PRKCH: variants seen among roughly 807,000 people sequenced by gnomAD.
PRKCH encodes protein kinase C eta type.
A neutral mutation model predicts 82.5 loss-of-function variants in PRKCH; 28 were observed. The ratio of observed to expected loss-of-function variants is 0.34; its 90% confidence interval spans 0.25 to 0.47. PRKCH has a LOEUF of 0.47. Among genes scored for constraint, PRKCH ranks in the 20% least tolerant of loss-of-function variants. The pLI is 1.00. For synonymous variants in PRKCH, 322 were observed against 327.4 expected (o/e 0.98, Z 0.18); for missense variants, 705 against 881.8 (o/e 0.80, Z 2.54).
At chr14:61,321,469 A>T (rs2045620406), upstream of PRKCH, among the ~76,000 whole-genome samples, 1 of 152,162 alleles carries the variant, frequency 6.6e-6, no homozygotes, top group African/African-American at 2.4e-5. This position sits in a 1 kb window ranked among gnomAD's most constrained non-coding sequence, Gnocchi z 4.1. Flanking sequence ...GCAAGCGGGC[A>T]CTGGCCTCCC....
intron 1 of PRKCH, chr14:61,281,101 G>T (rs1437532043): frequency 1.4e-6 from 2 of 1,476,492 alleles, no homozygotes; most frequent in Admixed American, 2.4e-5. Flanking sequence ...AGTGAAGGCG[G>T]TGTTGTCGGG....
At chr14:61,416,053 CTTTTTTT>C (rs71117815) in intron 2 of PRKCH, among the ~76,000 whole-genome samples, 1 of 94,186 alleles carries the variant, frequency 1.1e-5, no homozygotes, top group African/African-American at 4.2e-5. Context: ...CTTTTCTTTT[CTTTTTTT>C]TTTTTTTTTT....
chr14:61,421,167 G>C (rs1882816236), intron 2 of PRKCH, among the ~76,000 whole-genome samples: 2 of 151,364 alleles, frequency 1.3e-5, no homozygotes. Flanking sequence ...GAGTTCCCAG[G>C]ATGCTTTTTG....
intron 1 of PRKCH, among the ~76,000 whole-genome samples, chr14:61,238,458 G>C (rs1027489539): frequency 2.6e-5 from 4 of 152,082 alleles, no homozygotes; most frequent in Non-Finnish European, 5.9e-5. Flanking sequence ...CTCCAAACTA[G>C]GGTAAATTCA....
At chr14:61,515,585 G>A (rs1459913867) in intron 10 of PRKCH, among the ~76,000 whole-genome samples, 2 of 152,160 alleles carry the variant, frequency 1.3e-5, no homozygotes, top group East Asian at 3.9e-4. Context: ...GTGGCTGGTT[G>A]GGTTTAACCA....
At chr14:61,543,863 A>C (rs1402696116) in intron 12 of PRKCH, 6 of 152,262 alleles carry the variant, frequency 3.9e-5, no homozygotes, top group Non-Finnish European at 8.8e-5. Flanking sequence ...CAAGCTATCC[A>C]CCTCCAACTC....
At chr14:61,516,966 G>A (rs2042837586) in intron 10 of PRKCH, among the ~76,000 whole-genome samples, 1 of 152,126 alleles carries the variant, frequency 6.6e-6, no homozygotes, top group Non-Finnish European at 1.5e-5. Flanking sequence ...GTTCTGAAGT[G>A]CAAGTGTCTT....
At chr14:61,253,116 C>A (rs1218080551) in intron 1 of PRKCH, among the ~76,000 whole-genome samples, 1 of 152,168 alleles carries the variant, frequency 6.6e-6, no homozygotes, top group Non-Finnish European at 1.5e-5. Context: ...AAACCAACCC[C>A]ATAATATATG....
chr14:61,331,542 AAC>A (rs2045788766), intron 1 of PRKCH, among the ~76,000 whole-genome samples: 2 of 152,084 alleles, frequency 1.3e-5, no homozygotes, highest in African/African-American at 4.8e-5. Flanking sequence ...CAACAACAAC[AAC>A]AAAAAAACCC....
At chr14:61,399,034 C>G (rs1335091506) in intron 2 of PRKCH, among the ~76,000 whole-genome samples, 2 of 151,862 alleles carry the variant, frequency 1.3e-5, no homozygotes, top group Non-Finnish European at 2.9e-5. Flanking sequence ...TTACTTAAAA[C>G]AAAAAGAACA....
At chr14:61,336,793 G>A (rs1286709650) in intron 1 of PRKCH, among the ~76,000 whole-genome samples, 1 of 152,170 alleles carries the variant, frequency 6.6e-6, no homozygotes, top group Non-Finnish European at 1.5e-5. Context: ...TTAGGGCCAG[G>A]TGTGGTGGCT....
chr14:61,506,542 A>G (rs1010526877), intron 10 of PRKCH, among the ~76,000 whole-genome samples: 11 of 151,950 alleles, frequency 7.2e-5, no homozygotes, highest in Admixed American at 6.6e-4. Context: ...TCTCTTCTTT[A>G]CCCAACCCCT....
At chr14:61,197,970 A>G (rs923131906) in intron 1 of PRKCH, among the ~76,000 whole-genome samples, 1 of 152,188 alleles carries the variant, frequency 6.6e-6, no homozygotes, top group African/African-American at 2.4e-5. Context: ...TCTTCTGATC[A>G]ATAGAGTAGG....
Position 61,321,935 on chromosome 14 carries a change from G to A in PRKCH, c.-167G>A. The A allele has an allele frequency of 1.5e-6, 1 of 668,444 alleles. No individual in the cohort carries two copies. The highest frequency in any genetic ancestry group is 2.4e-6 in the Non-Finnish European group (1 of 410,894). 41.4% of individuals were successfully genotyped at this position (668,444 alleles called of 1,614,324 possible). A position where few individuals can be genotyped will look rare whatever the true frequency, so the allele number is the denominator to read the frequency against. The stretch of plus-strand genomic sequence containing the variant: ...AGGGAGGGAAGGAGGGGAGGGAAAA[G>A]TCCCACGGAGGAGGCAGAATGGCCA... On this transcript the variant is annotated 5_prime_UTR_variant, in exon 1 of 14. Transcript: ENST00000332981. The surrounding 1 kb of genome is among the most constrained non-coding windows in gnomAD (Gnocchi z 4.1).
intron 1 of PRKCH, among the ~76,000 whole-genome samples, chr14:61,199,812 C>T (rs1004345261): frequency 6.6e-6 from 1 of 152,162 alleles, no homozygotes; most frequent in Non-Finnish European, 1.5e-5. Flanking sequence ...TGGCATTAAA[C>T]TTAAGCTGCA....
intron 1 of PRKCH, among the ~76,000 whole-genome samples, chr14:61,250,908 A>T (rs2044940169): frequency 6.6e-6 from 1 of 152,160 alleles, no homozygotes; most frequent in Non-Finnish European, 1.5e-5. Flanking sequence ...CCATTTTTTA[A>T]AAAAAGGTCT....
intron 1 of PRKCH, among the ~76,000 whole-genome samples, chr14:61,271,792 AG>A (rs918958308): frequency 1.3e-5 from 2 of 152,234 alleles, no homozygotes; most frequent in Non-Finnish European, 2.9e-5. Context: ...TTGAATAGCC[AG>A]GGAGCTTCTG....
At chr14:61,313,422 C>T (rs1400983368) in intron 1 of PRKCH, among the ~76,000 whole-genome samples, 1 of 152,042 alleles carries the variant, frequency 6.6e-6, no homozygotes, top group Admixed American at 6.6e-5. Flanking sequence ...TTTAAAATGT[C>T]AAAAATATTA....
intron 2 of PRKCH, among the ~76,000 whole-genome samples, chr14:61,422,094 G>GT (rs1031049336): frequency 2.0e-5 from 3 of 151,926 alleles, no homozygotes; most frequent in South Asian, 2.1e-4. Flanking sequence ...TTTGTTTTTT[G>GT]TTTTTTTGAG....
Sources: allele counts gnomAD v4.1 joint callset (sites outside exome capture counted in the v4.1 genomes callset), GRCh38; gene constraint gnomAD v4.1.1; non-coding constraint Gnocchi (gnomAD v3.1); transcripts MANE v1.5; gene names NCBI Gene and HGNC (gene_info 2026-07-23, HGNC 2026-07-21).